IRAG2: variants seen among roughly 807,000 people sequenced by gnomAD.
IRAG2 encodes the protein inositol 1,4,5-triphosphate receptor associated 2, also known as lymphoid restricted membrane protein.
A neutral mutation model predicts 69.9 loss-of-function variants in IRAG2; 45 were observed. That is an observed-to-expected ratio of 0.64 (90% CI 0.51 to 0.83). The LOEUF (loss-of-function observed/expected upper bound fraction) is 0.83, where lower values mean the gene tolerates loss of function less well. Ranked by LOEUF, IRAG2 falls within the 40% of genes least tolerant of loss-of-function variation. The probability of loss-of-function intolerance (pLI) is 0.00; values close to 1 mark genes in which losing one functional copy is unlikely to be tolerated. For missense variants in IRAG2, 520 were observed against 587.0 expected (o/e 0.89, Z 1.18); for synonymous variants, 193 against 202.4 (o/e 0.95, Z 0.40).
chr12:25,059,161 C>T (rs746532958), intron 1 of IRAG2, among the ~76,000 whole-genome samples: 15 of 152,118 alleles, frequency 9.9e-5, no homozygotes, highest in Non-Finnish European at 1.8e-4. Flanking sequence ...TGGAGATACA[C>T]GACCTTCAGA....
At chr12:25,034,613 C>T (rs991266856) in intron 13 of IRAG2, among the ~76,000 whole-genome samples, 3 of 152,082 alleles carry the variant, frequency 2.0e-5, no homozygotes, top group African/African-American at 7.2e-5. Flanking sequence ...TTGTATTCTC[C>T]AGTTTTGTGC....
intron 6 of IRAG2, among the ~76,000 whole-genome samples, chr12:25,073,295 G>A (rs1452342523): frequency 1.3e-5 from 2 of 152,002 alleles, no homozygotes. Flanking sequence ...CCTTTATTTG[G>A]CCATTAACCA....
intron 16 of IRAG2, among the ~76,000 whole-genome samples, chr12:25,045,121 C>T (rs554083919): frequency 1.2e-4 from 19 of 152,032 alleles, no homozygotes; most frequent in Admixed American, 3.9e-4. Flanking sequence ...GAAATATTCA[C>T]AAATATGTGA....
chr12:25,051,255 G>C (rs948988640), upstream of IRAG2, among the ~76,000 whole-genome samples: 13 of 152,158 alleles, frequency 8.5e-5, 1 homozygote, highest in African/African-American at 3.1e-4. Context: ...GATTTTGTTT[G>C]CTTGTTTACC....
At position 25,102,193 on chromosome 12, in the gene IRAG2, T is replaced by C. The variant is rs1437974252; in HGVS notation, c.890-5T>C. On this transcript the variant is annotated splice_polypyrimidine_tract_variant and splice_region_variant and intron_variant, in intron 16 of 21. Coordinates refer to ENST00000556887, the MANE Select transcript of IRAG2 (RefSeq NM_001366544.2). ...TAAAATGTGTCAATGTGTTTTTCCT[T>C]TCAGATGACTGCCAAATTAAAAAAC... 5.0e-6 allele frequency: 8 copies of C among 1,612,586 alleles called. No homozygotes were observed. The African/African-American group carries it at 1.1e-4, about 22-fold the overall frequency.
At chr12:25,105,922 T>C (rs1414735772) in intron 20 of IRAG2, among the ~76,000 whole-genome samples, 1 of 152,176 alleles carries the variant, frequency 6.6e-6, no homozygotes, top group African/African-American at 2.4e-5. Flanking sequence ...ATTTCAAAAT[T>C]CAAATCCAAC....
At chr12:25,043,171 A>C (rs937517226) in intron 16 of IRAG2, among the ~76,000 whole-genome samples, 18 of 152,188 alleles carry the variant, frequency 1.2e-4, no homozygotes, top group African/African-American at 4.1e-4. Context: ...AGTGAGAGTG[A>C]ATCCAGCTTC....
chr12:25,023,877 G>T lies in IRAG2; in HGVS notation c.1339G>T (p.Glu447Ter). 1.6e-6 allele frequency: 2 copies of T among 1,226,446 alleles called. No individual in the cohort carries two copies. Among genetic ancestry groups the T allele is most frequent in the Non-Finnish European group, 2.0e-6 (2 of 982,800 alleles). 76.0% of individuals were successfully genotyped at this position (1,226,446 alleles called of 1,614,324 possible). ...TTTTCTCACAATGAATTAGGAGACA[G>T]AAAACCGGGCTCTGATTCTTAAGAT... The change falls in exon 8 of 39, where the codon GAA becomes TAA. Residue 447 changes from glutamate (E) to a stop codon, truncating the protein, a stop_gained. Coordinates refer to the IRAG2 transcript ENST00000636465. LOFTEE classifies it high-confidence loss of function.
chr12:25,002,644 C>CTTCTTT (rs1555124312), upstream of IRAG2, among the ~76,000 whole-genome samples: 1 of 137,734 alleles, frequency 7.3e-6, no homozygotes. Flanking sequence ...TCTTCTTCTT[C>CTTCTTT]TTTTCTTTTT....
At chr12:25,043,821 G>T (rs971586263) in intron 16 of IRAG2, among the ~76,000 whole-genome samples, 1 of 152,094 alleles carries the variant, frequency 6.6e-6, no homozygotes, top group Non-Finnish European at 1.5e-5. Flanking sequence ...AAGAGTCAAG[G>T]ACAATAAAGA....
chr12:25,028,445 T>C (rs1265315828), intron 9 of IRAG2, among the ~76,000 whole-genome samples: 1 of 152,236 alleles, frequency 6.6e-6, no homozygotes, highest in Non-Finnish European at 1.5e-5. Context: ...TCTTTAAATT[T>C]TATTTTTATT....
chr12:25,089,572 C>G (rs777513034), intron 11 of IRAG2, 42 bp from the exon 12 acceptor site: 9 of 1,264,476 alleles, frequency 7.1e-6, no homozygotes, highest in Non-Finnish European at 1.0e-5. Context: ...TTTTACAGGT[C>G]AAGCCTTTTT....
At chr12:25,102,524 A>AGCT in intron 17 of IRAG2, 1 of 405,146 alleles carries the variant, frequency 2.5e-6, no homozygotes, top group South Asian at 2.7e-5. Context: ...CAGCTTCACA[A>AGCT]GATCCTGAGG....
At chr12:25,092,324 C>G (rs1184311931) in intron 14 of IRAG2, among the ~76,000 whole-genome samples, 1 of 151,440 alleles carries the variant, frequency 6.6e-6, no homozygotes, top group Middle Eastern at 3.2e-3. Context: ...CGCTTGAACC[C>G]GGGAGGCAGA....
intron 1 of IRAG2, among the ~76,000 whole-genome samples, chr12:25,053,848 C>A (rs1945034697): frequency 6.6e-6 from 1 of 151,404 alleles, no homozygotes; most frequent in African/African-American, 2.4e-5. Context: ...TGAAAAATTT[C>A]AGACTTGTGT....
intron 4 of IRAG2, among the ~76,000 whole-genome samples, chr12:25,064,181 A>G (rs1157238288): frequency 1.3e-5 from 2 of 152,218 alleles, no homozygotes; most frequent in Non-Finnish European, 2.9e-5. Flanking sequence ...GCAAGGAGAC[A>G]AGACCTGGAC....
the IRAG2 span, among the ~76,000 whole-genome samples, chr12:24,997,946 A>G: frequency 1.3e-5 from 2 of 152,240 alleles, no homozygotes; most frequent in Non-Finnish European, 2.9e-5. Context: ...ATTGTTTTCA[A>G]TGGAGCTTTT....
intron 14 of IRAG2, among the ~76,000 whole-genome samples, chr12:25,035,975 C>G (rs1341476710): frequency 2.0e-5 from 3 of 152,206 alleles, no homozygotes; most frequent in Admixed American, 1.3e-4. Context: ...CTGGGTCAAT[C>G]AGGGCTAACA....
chr12:25,108,271 TAAGG>T lies in IRAG2; in HGVS notation c.*215_*218del, dbSNP rs1253851483. 6.9e-6 allele frequency: 4 copies of T among 576,106 alleles called. No individual in the cohort carries two copies. Among genetic ancestry groups the T allele is most frequent in the Non-Finnish European group, 1.2e-5 (4 of 339,290 alleles). The allele number at this position is 576,106 out of a possible 1,614,324, so 35.7% of individuals were successfully genotyped here. The stretch of plus-strand genomic sequence containing the variant: ...GCCTATGATCTTTGAATGAGCTTTT[TAAGG>T]AAGAAATATTATATATTGTTTGTTA... On this transcript the variant is annotated 3_prime_UTR_variant, in exon 22 of 22. Transcript: ENST00000556887.
Sources: gnomAD v4.1 joint callset for allele counts (sites outside exome capture counted in the v4.1 genomes callset) on GRCh38, gnomAD v4.1.1 for gene constraint, MANE v1.5 for transcripts, NCBI Gene and HGNC (gene_info 2026-07-23, HGNC 2026-07-21) for gene names.